NALCN: variants seen among roughly 807,000 people sequenced by gnomAD.
NALCN encodes sodium leak channel NALCN.
Under a neutral mutation model 225.3 loss-of-function variants are expected in NALCN, and 111 were observed. The ratio of observed to expected loss-of-function variants is 0.49; its 90% confidence interval spans 0.42 to 0.58. The LOEUF is 0.58. NALCN is among the 20% of genes least tolerant of loss of function. NALCN has a pLI of 0.00. For missense variants in NALCN, 1,378 were observed against 2,202.4 expected (o/e 0.63, Z 7.49); for synonymous variants, 764 against 769.0 (o/e 0.99, Z 0.11).
Position 101,100,767 on chromosome 13 carries a change from A to C in NALCN, c.3162+17T>G. The C allele has an allele frequency of 6.3e-7, 1 of 1,583,736 alleles. No homozygotes were observed. The highest frequency in any genetic ancestry group is 8.6e-7 in the Non-Finnish European group (1 of 1,165,048). On this transcript the variant is annotated intron_variant, in intron 27 of 43. Coordinates refer to ENST00000251127, the MANE Select transcript of NALCN (RefSeq NM_052867.4). ...GCCCTTAATTTTTATTTCAAAAGAC[A>C]GAAAGATACATCTTACCCTTCTAAT...
intron 14 of NALCN, among the ~76,000 whole-genome samples, chr13:101,177,556 AT>A (rs2139944804): frequency 6.6e-6 from 1 of 151,894 alleles, no homozygotes; most frequent in African/African-American, 2.4e-5. Context: ...CTTTTAAAAA[AT>A]GTTATGATTT....
At chr13:101,314,437 A>G (rs2044477427) in intron 7 of NALCN, among the ~76,000 whole-genome samples, 1 of 152,220 alleles carries the variant, frequency 6.6e-6, no homozygotes, top group Non-Finnish European at 1.5e-5. Context: ...AGCAAGGGCC[A>G]GACTAATGTA....
chr13:101,071,848 G>A (rs908076481), intron 37 of NALCN, among the ~76,000 whole-genome samples: 2 of 152,130 alleles, frequency 1.3e-5, no homozygotes, highest in Admixed American at 6.5e-5. Flanking sequence ...ATCATTTCTA[G>A]CTTTTGATTT....
chr13:101,330,770 T>G (rs1413690269), intron 7 of NALCN, among the ~76,000 whole-genome samples: 1 of 152,194 alleles, frequency 6.6e-6, no homozygotes, highest in Admixed American at 6.5e-5. Context: ...GGGGCGAGTC[T>G]TTCCTGTGCT....
At chr13:101,417,017 G>C (rs1422941881), upstream of NALCN, among the ~76,000 whole-genome samples, 1 of 152,130 alleles carries the variant, frequency 6.6e-6, no homozygotes, top group Non-Finnish European at 1.5e-5. Flanking sequence ...TTTCTAAATA[G>C]GTTGACGTTC....
intron 11 of NALCN, among the ~76,000 whole-genome samples, chr13:101,257,787 A>G (rs1052531367): frequency 6.6e-6 from 1 of 152,218 alleles, no homozygotes; most frequent in Non-Finnish European, 1.5e-5. Context: ...ATCTTGGAAA[A>G]TTATTAAAAT....
In NALCN at chr13:101,326,473, C is replaced by T. The variant is rs961340104; in HGVS notation, c.799+18793G>A. ...GGTTGAGAAAACTCTACTTCCCAGA[C>T]GACTACCTCTGTCTTCAGAAATGCT... On this transcript the variant is annotated intron_variant, in intron 7 of 43. Coordinates refer to ENST00000251127, the MANE Select transcript of NALCN (RefSeq NM_052867.4). 4.6e-5 allele frequency among the ~76,000 whole-genome samples: 7 copies of T among 152,256 alleles called. No homozygotes were observed. In the East Asian group the frequency reaches 5.8e-4, roughly 13 times the overall value.
intron 7 of NALCN, among the ~76,000 whole-genome samples, chr13:101,308,761 A>T (rs1228341721): frequency 1.3e-5 from 2 of 152,162 alleles, no homozygotes; most frequent in Non-Finnish European, 2.9e-5. Flanking sequence ...TATGAAGCAG[A>T]TTGGACGGTT....
intron 14 of NALCN, among the ~76,000 whole-genome samples, chr13:101,179,760 G>C (rs970473868): frequency 6.6e-6 from 1 of 152,090 alleles, no homozygotes; most frequent in African/African-American, 2.4e-5. Context: ...CTGTAACACC[G>C]TGCACGGAGT....
At chr13:101,301,507 G>C (rs530223895) in intron 7 of NALCN, among the ~76,000 whole-genome samples, 3 of 152,104 alleles carry the variant, frequency 2.0e-5, no homozygotes, top group African/African-American at 7.2e-5. Flanking sequence ...TGGATCATGA[G>C]GTCAGGAGCT....
chr13:101,326,310 G>C (rs991405343), intron 7 of NALCN, among the ~76,000 whole-genome samples: 3 of 152,158 alleles, frequency 2.0e-5, no homozygotes, highest in African/African-American at 7.2e-5. Context: ...CTAACATATA[G>C]TAGATCTCAA....
intron 13 of NALCN, among the ~76,000 whole-genome samples, chr13:101,209,973 G>A (rs528504109): frequency 1.3e-5 from 2 of 152,008 alleles, no homozygotes; most frequent in Non-Finnish European, 2.9e-5. Flanking sequence ...CTTTTTCTCC[G>A]GAATTCTGAA....
chr13:101,181,574 A>AT (rs1358105437), intron 14 of NALCN, among the ~76,000 whole-genome samples: 1 of 140,302 alleles, frequency 7.1e-6, no homozygotes, highest in African/African-American at 2.5e-5. Context: ...TCTCTCAAAA[A>AT]AAAAAAAAAC....
At chr13:101,372,431 T>C (rs535292143) in intron 6 of NALCN, among the ~76,000 whole-genome samples, 1 of 152,182 alleles carries the variant, frequency 6.6e-6, no homozygotes, top group Admixed American at 6.6e-5. Flanking sequence ...TTTTCACCAA[T>C]TCAGACCATA....
At chr13:101,060,275 G>GGTTTTTTT (rs1555373024) in intron 41 of NALCN, among the ~76,000 whole-genome samples, 1 of 79,854 alleles carries the variant, frequency 1.3e-5, no homozygotes, top group Non-Finnish European at 2.3e-5. Flanking sequence ...GGTGTTTTCT[G>GGTTTTTTT]TTTTTTTTTT....
chr13:101,320,073 C>A (rs2044691651), intron 7 of NALCN, among the ~76,000 whole-genome samples: 1 of 152,130 alleles, frequency 6.6e-6, no homozygotes. Context: ...TCCTGGCATC[C>A]CAGTAAGTTC....
chr13:101,154,119 C>G (rs757995339), intron 15 of NALCN, among the ~76,000 whole-genome samples: 3 of 152,166 alleles, frequency 2.0e-5, no homozygotes, highest in Admixed American at 2.0e-4. Context: ...ACACTTTATG[C>G]TAATATTATT....
chr13:101,290,822 C>T (rs1180559653), intron 9 of NALCN, among the ~76,000 whole-genome samples: 1 of 152,164 alleles, frequency 6.6e-6, no homozygotes, highest in Non-Finnish European at 1.5e-5. Flanking sequence ...TAAGTGTTTA[C>T]AAAGTTGTTA....
At chr13:101,191,754 G>A (rs1318182055) in intron 14 of NALCN, among the ~76,000 whole-genome samples, 163 bp downstream of exon 14, 1 of 152,152 alleles carries the variant, frequency 6.6e-6, no homozygotes, top group African/African-American at 2.4e-5. Context: ...GCAGTTCTTT[G>A]ATGTGTAGAA....
Sources: gnomAD v4.1 joint callset for allele counts (sites outside exome capture counted in the v4.1 genomes callset) on GRCh38, gnomAD v4.1.1 for gene constraint, MANE v1.5 for transcripts, NCBI Gene and HGNC (gene_info 2026-07-23, HGNC 2026-07-21) for gene names.